Variants in MCM5 observed in about 807,000 individuals in gnomAD.
MCM5 encodes minichromosome maintenance complex component 5.
Under a neutral mutation model 79.9 loss-of-function variants are expected in MCM5, and 46 were observed. The ratio of observed to expected loss-of-function variants is 0.58; its 90% CI spans 0.45 to 0.74. The LOEUF (loss-of-function observed/expected upper bound fraction) is 0.74. MCM5 is among the 30% of genes least tolerant of loss of function. MCM5 has a pLI of 0.00. For synonymous variants in MCM5, 404 were observed against 390.5 expected, an observed-to-expected ratio of 1.03 and a Z score of -0.41; for missense variants, 883 against 1,017.0, an observed-to-expected ratio of 0.87 and a Z score of 1.79.
At chr22:35,437,182 T>TAGGGAATGGGCAGTGCCCC in the MCM5 span, among the ~76,000 whole-genome samples, 1 of 152,012 alleles carries the variant, frequency 6.6e-6, no homozygotes, top group Middle Eastern at 3.2e-3. Flanking sequence ...GGCTTAGGCC[T>TAGGGAATGGGCAGTGCCCC]AGGGAATGGG....
the MCM5 span, among the ~76,000 whole-genome samples, chr22:35,439,281 A>T: frequency 4.6e-5 from 7 of 151,772 alleles, no homozygotes; most frequent in Non-Finnish European, 8.8e-5. Context: ...TCATCCATCC[A>T]TCCATCTACC....
At chr22:35,440,390 A>G in the MCM5 span, among the ~76,000 whole-genome samples, 1 of 152,212 alleles carries the variant, frequency 6.6e-6, no homozygotes, top group African/African-American at 2.4e-5. Context: ...AAATGGGAGC[A>G]TTGAACTGGC....
At chr22:35,418,027 C>A (rs1184741632) in intron 13 of MCM5, among the ~76,000 whole-genome samples, 171 bp downstream of exon 13, 1 of 152,204 alleles carries the variant, frequency 6.6e-6, no homozygotes, top group Non-Finnish European at 1.5e-5. Flanking sequence ...TTGCGTAGCT[C>A]ACTGGCTCTT....
chr22:35,432,624 G>C, the MCM5 span, among the ~76,000 whole-genome samples: 2 of 152,208 alleles, frequency 1.3e-5, no homozygotes, highest in Non-Finnish European at 2.9e-5. Context: ...ATAATTCCCA[G>C]TCACTATCTA....
Position 35,408,432 on chromosome 22 carries a change from C to T in MCM5, c.621C>T (p.Cys207=), listed in dbSNP as rs758943099. The change falls in exon 6 of 17, where the codon TGC becomes TGT. Residue 207 remains cysteine, a synonymous_variant. Coordinates refer to ENST00000216122, the MANE Select transcript of MCM5 (RefSeq NM_006739.4). ...CNTDQAGRPK[C]PLDPYFIMPD... The stretch of plus-strand genomic sequence containing the variant: ...GAGATCAGGCTGGGCGCCCCAAATG[C>T]CCATTGGACCCGTACTTCATCATGC... The T allele has an allele frequency of 6.2e-7, 1 of 1,614,096 alleles. No homozygotes were observed. Among genetic ancestry groups the T allele is most frequent in the South Asian group, 1.1e-5 (1 of 91,070 alleles).
At chr22:35,425,761 G>T (rs1932773913), downstream of MCM5, among the ~76,000 whole-genome samples, 2 of 151,838 alleles carry the variant, frequency 1.3e-5, no homozygotes, top group Non-Finnish European at 2.9e-5. Flanking sequence ...CTCCCGTCCT[G>T]CTTGTTCATG....
intron 6 of MCM5, chr22:35,409,818 A>G (rs1011128610): frequency 6.6e-6 from 1 of 152,322 alleles, no homozygotes; most frequent in Middle Eastern, 3.2e-3. Context: ...GACTTTGTCA[A>G]GCTTCAGTTT....
intron 4 of MCM5, among the ~76,000 whole-genome samples, 192 bp from the exon 5 acceptor site, chr22:35,406,361 C>T (rs1209658276): frequency 1.4e-5 from 2 of 143,214 alleles, no homozygotes; most frequent in Non-Finnish European, 3.0e-5. Flanking sequence ...CTCCTCTGAA[C>T]CCCAGGGTCC....
In MCM5 at chr22:35,412,574, C is replaced by T; in HGVS notation, c.984C>T (p.Leu328=). 6.3e-7 allele frequency: 1 copy of T among 1,584,524 alleles called. No individual in the cohort carries two copies. Among genetic ancestry groups the T allele is most frequent in the Non-Finnish European group, 8.6e-7 (1 of 1,163,610 alleles). The stretch of plus-strand genomic sequence containing the variant: ...AGGAGTTCCGTCGCCTGGCTGCCCT[C>T]CCAAATGTCTATGAGGTCATCTCCA... The part of the protein sequence containing the change: ...EEEEFRRLAA[L]PNVYEVISKS... The change falls in exon 8 of 17, where the codon CTC becomes CTT. Residue 328 remains leucine, a synonymous_variant. Transcript: ENST00000216122.
the MCM5 span, among the ~76,000 whole-genome samples, chr22:35,431,609 A>G: frequency 1.7e-3 from 259 of 152,214 alleles, no homozygotes; most frequent in African/African-American, 6.1e-3. Context: ...GACTCATCAA[A>G]TCTTAGAATT....
rs142715814 is a variant in MCM5, at chr22:35,406,682, C to T, written c.553C>T (p.Arg185Cys). The T allele has an allele frequency of 1.4e-4, 232 of 1,611,026 alleles. 1 individual carries two copies. Among genetic ancestry groups the T allele is most frequent in the Middle Eastern group, 9.9e-4 (6 of 6,042 alleles). The change falls in exon 5 of 17, where the codon CGC becomes TGC. Residue 185 changes from arginine to cysteine, a missense_variant. Transcript: ENST00000216122. ...CRNTLTNIAM[R>C]PGLEGYALPR... is the part of the protein sequence containing the mutation. ...CAACACCCTCACCAACATTGCCATG[C>T]GCCCTGGCCTCGAGGGCTATGCCCT...
chr22:35,408,659 G>A, intron 6 of MCM5, 96 bp downstream of exon 6: 1 of 1,386,418 alleles, frequency 7.2e-7, no homozygotes, highest in African/African-American at 1.4e-5. Flanking sequence ...CTGGAGCAGG[G>A]TGAGTAGGGT....
At position 35,406,712 on chromosome 22, in the gene MCM5, A is replaced by G. The variant is rs1461715076; in HGVS notation, c.583A>G (p.Arg195Gly). 8 of 1,607,870 alleles carry G rather than the reference A, an allele frequency of 5.0e-6. No individual in the cohort carries two copies. Among genetic ancestry groups the G allele is most frequent in the South Asian group, 1.1e-5 (1 of 91,068 alleles). ...TGGCCTCGAGGGCTATGCCCTGCCC[A>G]GGAAGTGCAACACGTGAGTCTGTGG... Reference protein sequence around the residue: ...RPGLEGYALPRKCNTDQAGRP... With the variant: ...RPGLEGYALPGKCNTDQAGRP... Residue 195 changes from arginine to glycine, a missense_variant, in exon 5 of 17, where the codon AGG becomes GGG. Arg to Gly is a moderately radical substitution (Grantham distance 125). Coordinates refer to ENST00000216122, the MANE Select transcript of MCM5 (RefSeq NM_006739.4).
chr22:35,421,526 G>A (rs755850657), intron 15 of MCM5, 66 bp downstream of exon 15: 1 of 1,608,134 alleles, frequency 6.2e-7, no homozygotes, highest in South Asian at 1.1e-5. Flanking sequence ...TCTGTGGGCA[G>A]GGCTCTGGCC....
chr22:35,415,747 A>C, intron 9 of MCM5, 82 bp from the exon 10 acceptor site: 1 of 1,509,028 alleles, frequency 6.6e-7, no homozygotes, highest in South Asian at 1.2e-5. Context: ...TGGGCAAATC[A>C]CAACCTCAGT....
chr22:35,400,397 C>T, intron 1 of MCM5, 34 bp from the exon 2 acceptor site: 1 of 1,613,284 alleles, frequency 6.2e-7, no homozygotes. Flanking sequence ...AGGCGCTGCC[C>T]CCAGCCTGTT....
At chr22:35,404,899 G>A (rs1011383238) in intron 4 of MCM5, among the ~76,000 whole-genome samples, 1 of 152,114 alleles carries the variant, frequency 6.6e-6, no homozygotes, top group Non-Finnish European at 1.5e-5. Context: ...GGAGTGGATC[G>A]GCTGAGAATT....
chr22:35,445,619 C>T, the MCM5 span, among the ~76,000 whole-genome samples: 2 of 152,006 alleles, frequency 1.3e-5, no homozygotes, highest in Non-Finnish European at 2.9e-5. Flanking sequence ...ACGCCATTCT[C>T]ATGCCTCAGC....
chr22:35,400,660 T>C (rs1601749484), intron 2 of MCM5, 55 bp downstream of exon 2: 15 of 1,497,130 alleles, frequency 1.0e-5, no homozygotes, highest in African/African-American at 8.3e-5. Context: ...CTCACACGCC[T>C]CTACCAGCCT....
Sources: allele counts gnomAD v4.1 joint callset (sites outside exome capture counted in the v4.1 genomes callset), GRCh38; gene constraint gnomAD v4.1.1; transcripts MANE v1.5; gene names NCBI Gene and HGNC (gene_info 2026-07-23, HGNC 2026-07-21).